The following ACSS2 variants were observed in gnomAD, a reference collection of about 807,000 sequenced individuals.
ACSS2 encodes acetyl-coenzyme A synthetase, cytoplasmic.
ACSS2 carries 58 observed loss-of-function variants against 90.6 expected under a neutral mutation model. The ratio of observed to expected loss-of-function variants is 0.64; its 90% CI spans 0.52 to 0.80. ACSS2 has a LOEUF of 0.80. Among genes scored for constraint, ACSS2 ranks in the 30% least tolerant of loss-of-function variants. The pLI is 0.00. For synonymous variants in ACSS2, 300 were observed against 330.9 expected (o/e 0.91, Z 1.01); for missense variants, 759 against 912.0 (o/e 0.83, Z 2.16).
At position 34,913,148 on chromosome 20, in the gene ACSS2, G is replaced by A. The variant is rs1281210208; in HGVS notation, c.427G>A (p.Val143Ile). The change falls in exon 3 of 18, where the codon GTC becomes ATC. Residue 143 changes from valine to isoleucine, a missense_variant. Coordinates refer to ENST00000360596, the MANE Select transcript of ACSS2 (RefSeq NM_018677.4). ...TCAGATCACATACCATCAGCTTCTG[G>A]TCCAAGTGTGTCAGTTCAGCAATGT... is the stretch of plus-strand genomic sequence containing the variant. ...TTQITYHQLL[V>I]QVCQFSNVLR... 1 of 1,614,184 alleles carries A rather than the reference G, an allele frequency of 6.2e-7. No individual in the cohort carries two copies. The highest frequency in any genetic ancestry group is 1.7e-5 in the Admixed American group (1 of 60,020).
rs571111244 is a variant in ACSS2 at position 34,921,541 on chromosome 20, C to T, written c.1411-3C>T. On this transcript the variant is annotated splice_region_variant and splice_polypyrimidine_tract_variant and intron_variant, in intron 11 of 17. Transcript: ENST00000360596. ...TCAAATTTCTCATCTCTGACTTCCCCAGGGTGGCCACATGTTGACTCCCCT... is the reference window on the plus strand; with the variant it reads ...TCAAATTTCTCATCTCTGACTTCCCTAGGGTGGCCACATGTTGACTCCCCT... The T allele has an allele frequency of 1.1e-5, 17 of 1,614,208 alleles. No homozygotes were observed. The South Asian group carries it at 1.8e-4, about 17-fold the overall frequency.
At chr20:34,913,651 C>A in intron 4 of ACSS2, 102 bp from the exon 5 acceptor site, 1 of 1,308,706 alleles carries the variant, frequency 7.6e-7, no homozygotes, top group Non-Finnish European at 1.1e-6. Flanking sequence ...TCTTCTAGGA[C>A]CCTGGCTTAG....
chr20:34,922,399 T>A (rs1044925115), intron 13 of ACSS2: 1 of 152,674 alleles, frequency 6.5e-6, no homozygotes, highest in Non-Finnish European at 1.5e-5. Context: ...AGGCCAGGAG[T>A]GCAAGACCAG....
chr20:34,920,682 A>C lies in ACSS2; in HGVS notation c.1116A>C (p.Pro372=). 1 of 1,613,488 alleles carries C rather than the reference A, an allele frequency of 6.2e-7. No homozygotes were observed. Among genetic ancestry groups the C allele is most frequent in the Non-Finnish European group, 8.5e-7 (1 of 1,179,662 alleles). Residue 372 remains proline (P), a synonymous_variant, in exon 9 of 18, where the codon CCA becomes CCC. Coordinates refer to ENST00000360596, the MANE Select transcript of ACSS2 (RefSeq NM_018677.4). Reference sequence around the variant, plus strand: ...GTCATTCCTACGTCACCTATGGGCCACTGGCCAATGGTGCCACCAGTGTTT... The same window carrying C: ...GTCATTCCTACGTCACCTATGGGCCCCTGGCCAATGGTGCCACCAGTGTTT... ...ITGHSYVTYG[P]LANGATSVLF...
At position 34,921,060 on chromosome 20, in the gene ACSS2, A is replaced by G. The variant is rs61753541; in HGVS notation, c.1198A>G (p.Lys400Glu). The G allele has an allele frequency of 1.2e-6, 2 of 1,613,216 alleles. No homozygotes were observed. Among genetic ancestry groups the G allele is most frequent in the African/African-American group, 2.7e-5 (2 of 74,602 alleles). Residue 400 changes from lysine to glutamate, a missense_variant, in exon 10 of 18, where the codon AAA becomes GAA. Lys to Glu is a moderately conservative substitution (Grantham distance 56, BLOSUM62 1). Coordinates refer to ENST00000360596, the MANE Select transcript of ACSS2 (RefSeq NM_018677.4). ...GAACCGCCTGTGGAGCATTGTGGAC[A>G]AATACAAGGTGACCAAGTTCTACAC... ...DVNRLWSIVD[K>E]YKVTKFYTAP... is the part of the protein sequence containing the mutation.
chr20:34,880,384 C>G (rs1471461368), intron 1 of ACSS2, among the ~76,000 whole-genome samples: 1 of 150,890 alleles, frequency 6.6e-6, no homozygotes, highest in East Asian at 1.9e-4. Flanking sequence ...CCTGTTTCTA[C>G]AAAACAAACA....
At chr20:34,883,484 T>A (rs953825260) in intron 2 of ACSS2, among the ~76,000 whole-genome samples, 2 of 152,214 alleles carry the variant, frequency 1.3e-5, no homozygotes, top group Admixed American at 6.5e-5. Flanking sequence ...AGAAGTCAAG[T>A]GACATATCTG....
At chr20:34,896,652 T>C (rs1363607169) in intron 2 of ACSS2, among the ~76,000 whole-genome samples, 5 of 152,232 alleles carry the variant, frequency 3.3e-5, no homozygotes, top group African/African-American at 9.6e-5. Flanking sequence ...TAAAAAGATA[T>C]CCTGTCTGCC....
At chr20:34,897,890 A>G (rs1042025220) in intron 2 of ACSS2, among the ~76,000 whole-genome samples, 1 of 152,152 alleles carries the variant, frequency 6.6e-6, no homozygotes, top group African/African-American at 2.4e-5. Flanking sequence ...ACATTGCTGA[A>G]TAATGTTGCA....
At chr20:34,884,850 G>A (rs6088641) in intron 2 of ACSS2, among the ~76,000 whole-genome samples, 4 of 151,936 alleles carry the variant, frequency 2.6e-5, no homozygotes, top group African/African-American at 9.7e-5. Flanking sequence ...CTTGAGCTTA[G>A]GAGTTTGAGA....
At chr20:34,917,099 A>C (rs1334279589) in intron 7 of ACSS2, among the ~76,000 whole-genome samples, 1 of 152,158 alleles carries the variant, frequency 6.6e-6, no homozygotes, top group African/African-American at 2.4e-5. Flanking sequence ...CCACAAAAGA[A>C]ATAATAAGAT....
chr20:34,883,249 G>T (rs1036524628), intron 2 of ACSS2, among the ~76,000 whole-genome samples: 2 of 152,176 alleles, frequency 1.3e-5, no homozygotes, highest in Non-Finnish European at 2.9e-5. Context: ...AAATGGAAGA[G>T]AACAAGACTG....
intron 7 of ACSS2, among the ~76,000 whole-genome samples, chr20:34,916,687 C>T (rs2081084042): frequency 6.6e-6 from 1 of 152,114 alleles, no homozygotes; most frequent in South Asian, 2.1e-4. Flanking sequence ...TGACAATGGG[C>T]CCCATATTTA....
At chr20:34,919,630 G>A in intron 8 of ACSS2, 58 bp downstream of exon 8, 1 of 1,519,550 alleles carries the variant, frequency 6.6e-7, no homozygotes, top group Admixed American at 2.0e-5. Context: ...TATTATGTAG[G>A]GGTAAGAAGT....
intron 1 of ACSS2, among the ~76,000 whole-genome samples, chr20:34,880,490 G>C (rs1389501995): frequency 6.6e-6 from 1 of 151,920 alleles, no homozygotes. Flanking sequence ...GTTACAGTGA[G>C]CTGAGATCAT....
In ACSS2 at chr20:34,877,122, G is replaced by C. The variant is rs563113425; in HGVS notation, c.178+299G>C. On this transcript the variant is annotated intron_variant, in intron 1 of 17. Transcript: ENST00000360596. ...GGTTCCTTGAGATTGGGACGGGGAG[G>C]TCGGCCAAGAGAGTGAAAGTTTCAT... Among the ~76,000 whole-genome samples, 6 of 152,236 alleles carry C rather than the reference G, an allele frequency of 3.9e-5. No individual in the cohort carries two copies. In the East Asian group the frequency reaches 1.2e-3, roughly 29 times the overall value.
At chr20:34,895,950 T>C (rs1239112968) in intron 2 of ACSS2, among the ~76,000 whole-genome samples, 1 of 152,262 alleles carries the variant, frequency 6.6e-6, no homozygotes, top group Admixed American at 6.5e-5. Flanking sequence ...CTTGAGAGAC[T>C]TGATGTACAC....
intron 2 of ACSS2, among the ~76,000 whole-genome samples, chr20:34,906,211 T>C (rs2147051439): frequency 6.6e-6 from 1 of 151,982 alleles, no homozygotes; most frequent in East Asian, 1.9e-4. Flanking sequence ...GGCAGGCGCC[T>C]GTGGTCCCAG....
rs1172539374 is a variant in ACSS2 at position 34,919,451 on chromosome 20, G to A, written c.851G>A (p.Gly284Glu). The A allele has an allele frequency of 1.9e-6, 3 of 1,613,740 alleles. No homozygotes were observed. The highest frequency in any genetic ancestry group is 1.1e-5 in the South Asian group (1 of 91,052). ...CPDVQISWNQ[G>E]IDLWWHELMQ... ...TCCCTGCAGATCTCATGGAACCAAG[G>A]GATTGACTTGTGGTGGCATGAGCTC... The change falls in exon 8 of 18, where the codon GGG becomes GAG. Residue 284 changes from glycine (G) to glutamate (E), a missense_variant. Physicochemically the swap from Gly to Glu is moderately conservative, Grantham distance 98. Transcript: ENST00000360596.
Sources: allele counts gnomAD v4.1 joint callset (sites outside exome capture counted in the v4.1 genomes callset), GRCh38; gene constraint gnomAD v4.1.1; transcripts MANE v1.5; gene names NCBI Gene and HGNC (gene_info 2026-07-23, HGNC 2026-07-21).